The following DCAF8L2 variants were observed in gnomAD, a reference collection of about 807,000 sequenced individuals.
DCAF8L2 encodes DDB1- and CUL4-associated factor 8-like protein 2.
For synonymous variants in DCAF8L2, 200 were observed against 190.9 expected, an observed-to-expected ratio of 1.05 and a Z score of -0.39; for missense variants, 430 against 490.7, an observed-to-expected ratio of 0.88 and a Z score of 1.17.
the DCAF8L2 span, among the ~76,000 whole-genome samples, chrX:27,503,634 T>G: frequency 1.8e-5 from 2 of 111,440 alleles, no homozygotes; most frequent in Non-Finnish European, 3.8e-5. Flanking sequence ...TGTTCTCTGT[T>G]TTGTTCCATT....
At chrX:27,521,492 G>T in the DCAF8L2 span, among the ~76,000 whole-genome samples, 1 of 112,216 alleles carries the variant, frequency 8.9e-6, no homozygotes, top group Non-Finnish European at 1.9e-5. Flanking sequence ...CATTTCAACA[G>T]AAGGTAAAAG....
the DCAF8L2 span, among the ~76,000 whole-genome samples, chrX:27,482,180 C>G: frequency 2.7e-5 from 3 of 111,222 alleles, no homozygotes. Context: ...TTTCCCCTCC[C>G]AGACTAAACT....
chrX:27,595,730 G>A (rs1245889025), intron 1 of DCAF8L2, among the ~76,000 whole-genome samples: 2 of 112,180 alleles, frequency 1.8e-5, no homozygotes, highest in Non-Finnish European at 3.8e-5. Flanking sequence ...CCTTGAGGCC[G>A]AGTGCGGTGG....
At chrX:27,480,451 C>T in the DCAF8L2 span, among the ~76,000 whole-genome samples, 3 of 111,036 alleles carry the variant, frequency 2.7e-5, no homozygotes, top group Admixed American at 9.5e-5. Context: ...TATGAGCTTG[C>T]CTAAGGGAAG....
chrX:27,540,475 C>T, the DCAF8L2 span, among the ~76,000 whole-genome samples: 1 of 111,008 alleles, frequency 9.0e-6, no homozygotes, highest in Non-Finnish European at 1.9e-5. Context: ...ATGCACAGAA[C>T]GATAAATACT....
At chrX:27,541,193 T>C in the DCAF8L2 span, among the ~76,000 whole-genome samples, 4 of 111,589 alleles carry the variant, frequency 3.6e-5, no homozygotes, top group Admixed American at 2.9e-4. Context: ...TGTCAATTTT[T>C]GTGTTTGGTT....
the DCAF8L2 span, among the ~76,000 whole-genome samples, chrX:27,501,634 G>T: frequency 9.0e-6 from 1 of 111,066 alleles, no homozygotes; most frequent in African/African-American, 3.3e-5. Flanking sequence ...ATAAGCAAGA[G>T]ATCAAACCTG....
chrX:27,632,655 T>G (rs1928338236), intron 2 of DCAF8L2: 1 of 111,146 alleles, frequency 9.0e-6, no homozygotes, highest in Non-Finnish European at 1.9e-5. Context: ...GTGTCTGTCT[T>G]TCTCCTATCC....
intron 1 of DCAF8L2, among the ~76,000 whole-genome samples, chrX:27,602,549 G>GTCA (rs1926697582): frequency 9.0e-6 from 1 of 110,872 alleles, no homozygotes; most frequent in Admixed American, 9.7e-5. Context: ...GACCCTTATT[G>GTCA]TCAGCAAGAC....
chrX:27,527,492 C>A, the DCAF8L2 span, among the ~76,000 whole-genome samples: 9 of 110,981 alleles, frequency 8.1e-5, no homozygotes, highest in Non-Finnish European at 1.3e-4. Flanking sequence ...AATGCCTCAC[C>A]CTGCTTCGGC....
the DCAF8L2 span, among the ~76,000 whole-genome samples, chrX:27,582,600 C>G: frequency 9.0e-6 from 1 of 111,578 alleles, no homozygotes; most frequent in Non-Finnish European, 1.9e-5. Flanking sequence ...TATTGTGCCT[C>G]AGAAGTGCAT....
chrX:27,737,231 A>T (rs1233043132), intron 4 of DCAF8L2, among the ~76,000 whole-genome samples: 1 of 111,685 alleles, frequency 9.0e-6, no homozygotes, highest in African/African-American at 3.3e-5. Context: ...CTGAGACCAA[A>T]AGGTTTGAGA....
intron 1 of DCAF8L2, among the ~76,000 whole-genome samples, chrX:27,623,648 AATTTAT>A (rs1388829627): frequency 1.8e-5 from 2 of 111,657 alleles, no homozygotes; most frequent in Admixed American, 9.6e-5. Flanking sequence ...AAACCAAATA[AATTTAT>A]ATTTAAAAGA....
intron 4 of DCAF8L2, among the ~76,000 whole-genome samples, chrX:27,735,781 T>C (rs1253345329): frequency 9.0e-6 from 1 of 111,348 alleles, no homozygotes; most frequent in Non-Finnish European, 1.9e-5. Flanking sequence ...GAAAGCAAAA[T>C]AGCATCCACT....
chrX:27,566,719 T>C, the DCAF8L2 span, among the ~76,000 whole-genome samples: 3 of 111,299 alleles, frequency 2.7e-5, no homozygotes, highest in East Asian at 8.5e-4. Flanking sequence ...ATATTCTCAA[T>C]TTTATTTCTT....
At chrX:27,719,898 G>C (rs898185663) in intron 4 of DCAF8L2, among the ~76,000 whole-genome samples, 2 of 111,148 alleles carry the variant, frequency 1.8e-5, no homozygotes, top group Non-Finnish European at 3.8e-5. Context: ...AAGAACAAAA[G>C]TCTATTTGTG....
chrX:27,721,335 C>T (rs1183047753), intron 4 of DCAF8L2, among the ~76,000 whole-genome samples: 1 of 111,319 alleles, frequency 9.0e-6, no homozygotes, highest in African/African-American at 3.3e-5. Context: ...CACTGTTGCT[C>T]ATAATAAGGT....
chrX:27,566,779 T>C, the DCAF8L2 span, among the ~76,000 whole-genome samples: 6 of 111,173 alleles, frequency 5.4e-5, no homozygotes, highest in Admixed American at 1.9e-4. Flanking sequence ...ACTTAGGTTG[T>C]TTTTCTTTTT....
intron 2 of DCAF8L2, among the ~76,000 whole-genome samples, chrX:27,638,288 G>T (rs748994588): frequency 9.0e-6 from 1 of 111,617 alleles, no homozygotes; most frequent in African/African-American, 3.3e-5. Context: ...TCATTGATCA[G>T]TTATGCTCCC....
Sources: allele counts gnomAD v4.1 joint callset (sites outside exome capture counted in the v4.1 genomes callset), GRCh38; gene constraint gnomAD v4.1.1; transcripts MANE v1.5; gene names NCBI Gene and HGNC (gene_info 2026-07-23, HGNC 2026-07-21).